The following ZNRF3 variants were observed in gnomAD, a reference collection of about 807,000 sequenced individuals.
ZNRF3 encodes E3 ubiquitin-protein ligase ZNRF3.
Under a neutral mutation model 72.5 loss-of-function variants are expected in ZNRF3, and 23 were observed. The ratio of observed to expected loss-of-function variants is 0.32; its 90% CI spans 0.23 to 0.45. ZNRF3 has a LOEUF of 0.45. Among genes scored for constraint, ZNRF3 ranks in the 20% least tolerant of loss-of-function variants. The pLI is 1.00. For synonymous variants in ZNRF3, 610 were observed against 545.3 expected, an observed-to-expected ratio of 1.12 and a Z score of -1.65; for missense variants, 1,169 against 1,272.1, an observed-to-expected ratio of 0.92 and a Z score of 1.23.
At position 29,056,866 on chromosome 22, in the gene ZNRF3, C is replaced by T. The variant is rs540286023; in HGVS notation, c.*3244C>T. The T allele has an allele frequency of 4.0e-4, 61 of 152,368 alleles. No homozygotes were observed. The highest frequency in any genetic ancestry group is 1.5e-3 in the African/African-American group (61 of 41,588). 9.4% of individuals were successfully genotyped at this position (152,368 alleles called of 1,614,324 possible). A position where few individuals can be genotyped will look rare whatever the true frequency, so the allele number is the denominator to read the frequency against. On this transcript the variant is annotated 3_prime_UTR_variant, in exon 9 of 9. Transcript: ENST00000544604. ...GCCCTTTTATAAAATAAAGCCCCTT[C>T]TGTCCCACTGCTCACATACTTATGT...
chr22:28,890,685 G>A (rs1423815493), intron 1 of ZNRF3, among the ~76,000 whole-genome samples: 1 of 152,096 alleles, frequency 6.6e-6, no homozygotes, highest in African/African-American at 2.4e-5. Flanking sequence ...AACAATAAGG[G>A]ATTGGCATTC....
chr22:28,901,916 C>A (rs1327225973), intron 1 of ZNRF3, among the ~76,000 whole-genome samples: 1 of 149,658 alleles, frequency 6.7e-6, no homozygotes, highest in African/African-American at 2.5e-5. Flanking sequence ...TTCCTAATCA[C>A]CAACTTTTAA....
At chr22:28,969,121 G>A (rs2123811703) in intron 1 of ZNRF3, among the ~76,000 whole-genome samples, 1 of 152,254 alleles carries the variant, frequency 6.6e-6, no homozygotes, top group East Asian at 1.9e-4. Context: ...TCCTTTCATA[G>A]CTGGGGCAGC....
At position 29,053,642 on chromosome 22, in the gene ZNRF3, C is replaced by G. The variant is rs2035880712; in HGVS notation, c.*20C>G. On this transcript the variant is annotated 3_prime_UTR_variant, in exon 9 of 9. Coordinates refer to ENST00000544604, the MANE Select transcript of ZNRF3 (RefSeq NM_001206998.2). Reference sequence around the variant, plus strand: ...GCCTGAGCTCAGGAGGAACTCTTACCTGGAAATTGGGAACTGTATGGAGAC... The same window carrying G: ...GCCTGAGCTCAGGAGGAACTCTTACGTGGAAATTGGGAACTGTATGGAGAC... 1.2e-6 allele frequency: 2 copies of G among 1,611,280 alleles called. No homozygotes were observed. The highest frequency in any genetic ancestry group is 2.2e-5 in the East Asian group (1 of 44,766).
At chr22:28,960,758 C>G (rs2035343521) in intron 1 of ZNRF3, among the ~76,000 whole-genome samples, 1 of 152,084 alleles carries the variant, frequency 6.6e-6, no homozygotes. Context: ...AGATTGGAGC[C>G]CATTACCTGC....
chr22:29,039,255 C>T (rs2036916175), intron 2 of ZNRF3, among the ~76,000 whole-genome samples: 1 of 152,196 alleles, frequency 6.6e-6, no homozygotes, highest in Non-Finnish European at 1.5e-5. Context: ...GGCCACGTGG[C>T]TAAATGGCTT....
intron 2 of ZNRF3, among the ~76,000 whole-genome samples, chr22:29,011,992 C>A (rs1414663510): frequency 6.6e-5 from 10 of 152,202 alleles, no homozygotes. Flanking sequence ...AGCCGGGGGA[C>A]CCTGCAACCA....
chr22:29,035,211 G>A (rs988970819), intron 2 of ZNRF3, among the ~76,000 whole-genome samples: 2 of 151,936 alleles, frequency 1.3e-5, no homozygotes, highest in Non-Finnish European at 2.9e-5. Flanking sequence ...GGGAGTTTCT[G>A]TTAATCTCCA....
chr22:28,891,473 T>C (rs893407416), intron 1 of ZNRF3, among the ~76,000 whole-genome samples: 1 of 152,272 alleles, frequency 6.6e-6, no homozygotes, highest in Non-Finnish European at 1.5e-5. Flanking sequence ...CTTTTAAAAA[T>C]AGCTACTAAT....
intron 1 of ZNRF3, among the ~76,000 whole-genome samples, chr22:28,977,927 A>G (rs2035703397): frequency 6.6e-6 from 1 of 152,198 alleles, no homozygotes; most frequent in African/African-American, 2.4e-5. Context: ...TTGATGTACC[A>G]TACTCAAGGG....
chr22:28,884,022 T>C lies in ZNRF3; in HGVS notation c.256T>C (p.Ser86Pro). The change falls in exon 1 of 9, where the codon TCG (serine) becomes CCG (proline). Residue 86 changes from serine to proline, a missense_variant. Coordinates refer to ENST00000544604, the MANE Select transcript of ZNRF3 (RefSeq NM_001206998.2). ...CACCACCGGCCTCACGGGCCGCTTC[T>C]CGCGGGCCGGGGCCACGCTCAGCGC... The part of the protein sequence containing the change: ...TYTTGLTGRF[S>P]RAGATLSAEG... 1 of 1,282,100 alleles carries C rather than the reference T, an allele frequency of 7.8e-7. No individual in the cohort carries two copies. Among genetic ancestry groups the C allele is most frequent in the Non-Finnish European group, 1.0e-6 (1 of 995,448 alleles). 79.4% of individuals were successfully genotyped at this position (1,282,100 alleles called of 1,614,324 possible).
intron 2 of ZNRF3, among the ~76,000 whole-genome samples, chr22:29,036,804 T>C (rs2036874668): frequency 6.6e-6 from 1 of 152,246 alleles, no homozygotes; most frequent in Admixed American, 6.5e-5. Context: ...AATACATGTA[T>C]AGTGTGTAGG....
intron 2 of ZNRF3, among the ~76,000 whole-genome samples, chr22:29,008,745 C>T (rs2036300423): frequency 6.6e-6 from 1 of 152,126 alleles, no homozygotes; most frequent in Non-Finnish European, 1.5e-5. Flanking sequence ...CAACAACTAT[C>T]CTTGTTAACC....
intron 1 of ZNRF3, among the ~76,000 whole-genome samples, chr22:28,912,132 A>C (rs553682687): frequency 6.6e-6 from 1 of 152,344 alleles, no homozygotes; most frequent in African/African-American, 2.4e-5. Flanking sequence ...AAACAGGAGC[A>C]GATGCTCCTG....
chr22:28,962,230 T>TCGCCGG (rs2035374583), intron 1 of ZNRF3, among the ~76,000 whole-genome samples: 1 of 152,208 alleles, frequency 6.6e-6, no homozygotes, highest in Non-Finnish European at 1.5e-5. Flanking sequence ...AAACAGAACA[T>TCGCCGG]TGCCATTATT....
chr22:29,039,713 G>A (rs1054449893), intron 2 of ZNRF3, among the ~76,000 whole-genome samples: 31 of 150,058 alleles, frequency 2.1e-4, no homozygotes, highest in African/African-American at 6.7e-4. Context: ...TTGGGAGGCC[G>A]GAATGGGAGG....
chr22:28,909,298 A>G (rs1185642263), intron 1 of ZNRF3, among the ~76,000 whole-genome samples: 2 of 152,112 alleles, frequency 1.3e-5, no homozygotes, highest in Admixed American at 6.5e-5. Flanking sequence ...ATTGCTACCT[A>G]TGGAAGAGTT....
intron 2 of ZNRF3, among the ~76,000 whole-genome samples, chr22:29,033,842 C>T (rs1052254463): frequency 6.6e-6 from 1 of 152,150 alleles, no homozygotes; most frequent in Non-Finnish European, 1.5e-5. Flanking sequence ...AGGCCCATGG[C>T]AAGACCCCTT....
At chr22:28,952,495 G>GTTTTTTTTTT (rs11401088) in intron 1 of ZNRF3, among the ~76,000 whole-genome samples, 1 of 141,838 alleles carries the variant, frequency 7.1e-6, no homozygotes, top group African/African-American at 2.6e-5. Flanking sequence ...TCATTTCCAT[G>GTTTTTTTTTT]TTTTTTTTTT....
Sources: gnomAD v4.1 joint callset for allele counts (sites outside exome capture counted in the v4.1 genomes callset) on GRCh38, gnomAD v4.1.1 for gene constraint, MANE v1.5 for transcripts, NCBI Gene and HGNC (gene_info 2026-07-23, HGNC 2026-07-21) for gene names.